LIPC: variants seen among roughly 807,000 people sequenced by gnomAD.
The protein encoded by LIPC is hepatic triacylglycerol lipase.
Under a neutral mutation model 50.7 loss-of-function variants are expected in LIPC, and 44 were observed. The observed-to-expected ratio is 0.87, with a 90% CI of 0.68 to 1.11. The LOEUF is 1.11. Among genes scored for constraint, LIPC ranks in the 50% most tolerant of loss-of-function variants. The pLI, the probability that LIPC is intolerant of heterozygous loss-of-function variation, is 0.00. For missense variants in LIPC, 697 were observed against 648.2 expected (o/e 1.08, Z -0.82); for synonymous variants, 271 against 256.4 (o/e 1.06, Z -0.54).
chr15:58,478,692 C>T (rs543775087), intron 1 of LIPC, among the ~76,000 whole-genome samples: 2 of 152,332 alleles, frequency 1.3e-5, no homozygotes, highest in Admixed American at 6.5e-5. Flanking sequence ...AAGAGTTGAA[C>T]TCATACCACC....
intron 1 of LIPC, among the ~76,000 whole-genome samples, chr15:58,463,020 A>C (rs528336358): frequency 6.6e-6 from 1 of 152,260 alleles, no homozygotes; most frequent in African/African-American, 2.4e-5. Flanking sequence ...AAAGACTCCA[A>C]GAAGTCGATT....
Position 58,568,807 on chromosome 15 carries a change from T to C in LIPC, c.1480T>C (p.Ser494Pro). The C allele has an allele frequency of 6.2e-7, 1 of 1,600,528 alleles. No homozygotes were observed. The highest frequency in any genetic ancestry group is 8.6e-7 in the Non-Finnish European group (1 of 1,169,234). The change falls in exon 9 of 9, where the codon TCA becomes CCA. Residue 494 changes from serine (S) to proline (P), a missense_variant. Coordinates refer to ENST00000299022, the MANE Select transcript of LIPC (RefSeq NM_000236.3). ...GAAATGTGAAATAAAGTCTAAAACA[T>C]CAAAGCGAAAGATCAGATGAGATTT... The part of the protein sequence containing the change: ...FVKCEIKSKT[S>P]KRKIR
rs1894477843 is a variant in LIPC at position 58,569,009 on chromosome 15, T to C, written c.*182T>C. 11 of 475,582 alleles carry C rather than the reference T, an allele frequency of 2.3e-5. No individual in the cohort carries two copies. The highest frequency in any genetic ancestry group is 7.9e-5 in the South Asian group (2 of 25,290). 29.5% of individuals were successfully genotyped at this position (475,582 alleles called of 1,614,324 possible). A position where few individuals can be genotyped will look rare whatever the true frequency, so the allele number is the denominator to read the frequency against. ...TTTTAAAAACGATATGATATAACTA[T>C]TTTCCAGTATCAGTACAACCAAAAA... On this transcript the variant is annotated 3_prime_UTR_variant, in exon 9 of 9. Transcript: ENST00000299022.
At chr15:58,499,726 G>T (rs770430096) in intron 1 of LIPC, among the ~76,000 whole-genome samples, 1 of 152,168 alleles carries the variant, frequency 6.6e-6, no homozygotes, top group Non-Finnish European at 1.5e-5. Flanking sequence ...GGAGCCACCC[G>T]AAATGCTAAA....
chr15:58,538,489 C>T lies in LIPC; in HGVS notation c.245C>T (p.Pro82Leu). The change falls in exon 2 of 9, where the codon CCT (proline) becomes CTT (leucine). Residue 82 changes from proline to leucine, a missense_variant. Transcript: ENST00000299022. ...LQECGFNSSL[P>L]LVMIIHGWSV... is the part of the protein sequence containing the mutation. ...GAGTGCGGCTTCAACTCCTCCCTGC[C>T]TCTGGTGATGATAATCCACGGGTGG... 1 of 1,614,190 alleles carries T rather than the reference C, an allele frequency of 6.2e-7. No individual in the cohort carries two copies.
At chr15:58,477,227 C>T (rs186929695) in intron 1 of LIPC, among the ~76,000 whole-genome samples, 6 of 152,302 alleles carry the variant, frequency 3.9e-5, no homozygotes, top group Admixed American at 6.5e-5. Flanking sequence ...CAAAATCTGC[C>T]TTGATTTTGT....
chr15:58,472,767 T>A (rs1890855737), intron 1 of LIPC, among the ~76,000 whole-genome samples: 1 of 152,168 alleles, frequency 6.6e-6, no homozygotes, highest in Non-Finnish European at 1.5e-5. Flanking sequence ...GGGCTAAGCA[T>A]TGTACTCACC....
intron 1 of LIPC, among the ~76,000 whole-genome samples, chr15:58,468,683 A>T (rs150637790): frequency 1.3e-5 from 2 of 152,154 alleles, no homozygotes; most frequent in African/African-American, 4.8e-5. Flanking sequence ...AGCTCATTAG[A>T]ATCATCTAGG....
chr15:58,489,161 C>T (rs1432493129), intron 1 of LIPC, among the ~76,000 whole-genome samples: 1 of 140,988 alleles, frequency 7.1e-6, no homozygotes, highest in East Asian at 2.0e-4. Context: ...AGTTTCACCT[C>T]TCCAAAGCAT....
At position 58,548,487 on chromosome 15, in the gene LIPC, C is replaced by T. The variant is rs1362036626; in HGVS notation, c.966C>T (p.Asn322=). The T allele has an allele frequency of 1.2e-6, 2 of 1,610,462 alleles. No individual in the cohort carries two copies. Among genetic ancestry groups the T allele is most frequent in the African/African-American group, 2.7e-5 (2 of 74,896 alleles). ...TGAGCTGCAAGAAGGGCCGCTGCAA[C>T]ACGCTGGGCTACCACGTCCGCCAGG... is the stretch of plus-strand genomic sequence containing the variant. ...LCLSCKKGRC[N]TLGYHVRQEP... Residue 322 remains asparagine (N), a synonymous_variant, in exon 6 of 9, where the codon AAC becomes AAT. Transcript: ENST00000299022.
intron 1 of LIPC, among the ~76,000 whole-genome samples, chr15:58,484,097 C>A (rs1301095215): frequency 2.6e-5 from 4 of 152,142 alleles, no homozygotes; most frequent in African/African-American, 9.7e-5. Context: ...GACCCTCTGG[C>A]TCTATCTTTT....
chr15:58,432,479 C>G (rs1356508203), intron 1 of LIPC: 1 of 313,804 alleles, frequency 3.2e-6, no homozygotes, highest in African/African-American at 2.1e-5. Flanking sequence ...AACCGGGGAG[C>G]CAGGCTTGCA....
chr15:58,538,431 C>T lies in LIPC; in HGVS notation c.187C>T (p.Gln63Ter), dbSNP rs752138731. 17 of 1,614,060 alleles carry T rather than the reference C, an allele frequency of 1.1e-5. No individual in the cohort carries two copies. Among genetic ancestry groups the T allele is most frequent in the Non-Finnish European group, 1.4e-5 (16 of 1,180,030 alleles). Residue 63 changes from glutamine (Q) to a stop codon, truncating the protein, a stop_gained, in exon 2 of 9, where the codon CAG becomes TAG. Transcript: ENST00000299022. LOFTEE classifies it high-confidence loss of function. ...LLFGETNQGCQIRINHPDTLQ... is the reference protein window; with the variant it reads ...LLFGETNQGC ...CTTTGGAGAAACCAATCAGGGCTGTCAGATTCGAATCAATCATCCGGACAC... is the reference window on the plus strand; with the variant it reads ...CTTTGGAGAAACCAATCAGGGCTGTTAGATTCGAATCAATCATCCGGACAC...
chr15:58,445,012 C>T (rs1595852589), intron 1 of LIPC, among the ~76,000 whole-genome samples: 1 of 152,218 alleles, frequency 6.6e-6, no homozygotes. Flanking sequence ...CAGGCCCAGA[C>T]AGGGGGCCTG....
At chr15:58,446,263 A>G (rs1442511703) in intron 1 of LIPC, among the ~76,000 whole-genome samples, 1 of 152,076 alleles carries the variant, frequency 6.6e-6, no homozygotes, top group East Asian at 1.9e-4. Context: ...GTGCAGTGGT[A>G]TGATCTTGGC....
chr15:58,499,026 G>A (rs1891877910), intron 1 of LIPC, among the ~76,000 whole-genome samples: 1 of 152,224 alleles, frequency 6.6e-6, no homozygotes, highest in South Asian at 2.1e-4. Context: ...GCTGAGCATG[G>A]AAAAGCACGT....
Position 58,538,494 on chromosome 15 carries a change from G to A in LIPC, c.250G>A (p.Val84Met), listed in dbSNP as rs1893216012. The change falls in exon 2 of 9, where the codon GTG (valine) becomes ATG (methionine). Residue 84 changes from valine (V) to methionine (M), a missense_variant. By Grantham distance (21) the Val-to-Met change is conservative. Coordinates refer to ENST00000299022, the MANE Select transcript of LIPC (RefSeq NM_000236.3). Reference sequence around the variant, plus strand: ...CGGCTTCAACTCCTCCCTGCCTCTGGTGATGATAATCCACGGGTGGTCGGT... The same window carrying A: ...CGGCTTCAACTCCTCCCTGCCTCTGATGATGATAATCCACGGGTGGTCGGT... ...ECGFNSSLPL[V>M]MIIHGWSVDG... The A allele has an allele frequency of 6.2e-7, 1 of 1,614,178 alleles. No homozygotes were observed. Among genetic ancestry groups the A allele is most frequent in the Non-Finnish European group, 8.5e-7 (1 of 1,180,034 alleles).
At chr15:58,496,539 T>A (rs1255368668) in intron 1 of LIPC, among the ~76,000 whole-genome samples, 1 of 152,098 alleles carries the variant, frequency 6.6e-6, no homozygotes, top group Non-Finnish European at 1.5e-5. Flanking sequence ...CAGGCTTTCC[T>A]GGCAGGCAAA....
chr15:58,439,525 C>A (rs1204874137), intron 1 of LIPC, among the ~76,000 whole-genome samples: 2 of 152,146 alleles, frequency 1.3e-5, no homozygotes, highest in Non-Finnish European at 2.9e-5. Flanking sequence ...CTCGCAGCAA[C>A]CTCTGCCTCC....
Sources: allele counts gnomAD v4.1 joint callset (sites outside exome capture counted in the v4.1 genomes callset), GRCh38; gene constraint gnomAD v4.1.1; transcripts MANE v1.5; gene names NCBI Gene and HGNC (gene_info 2026-07-23, HGNC 2026-07-21).